RBM5: variants seen among roughly 807,000 people sequenced by gnomAD.
RBM5 encodes the protein RNA-binding protein 5.
Under a neutral mutation model 124.6 loss-of-function variants are expected in RBM5, and 15 were observed. The ratio of observed to expected loss-of-function variants is 0.12; its 90% CI spans 0.08 to 0.19. RBM5 has a LOEUF of 0.19. RBM5 is among the 10% of genes least tolerant of loss of function. The probability of loss-of-function intolerance (pLI) is 1.00; values close to 1 mark genes in which losing one functional copy is unlikely to be tolerated. For synonymous variants in RBM5, 337 were observed against 361.2 expected (o/e 0.93, Z 0.76); for missense variants, 580 against 1,026.5 (o/e 0.57, Z 5.94).
intron 10 of RBM5, 34 bp downstream of exon 10, chr3:50,105,743 G>T: frequency 3.7e-6 from 6 of 1,607,286 alleles, no homozygotes; most frequent in Admixed American, 1.7e-5. Flanking sequence ...CTTTTTAAAA[G>T]AAACAGCTTT....
Position 50,118,391 on chromosome 3 carries a change from G to A in RBM5, c.2383G>A (p.Gly795Ser). Residue 795 changes from glycine (G) to serine (S), a missense_variant, in exon 25 of 25, where the codon GGC (glycine) becomes AGC (serine). By Grantham distance (56) the Gly-to-Ser change is moderately conservative. This residue lies in a region of RBM5 where 234 missense variants were observed against 435.1 expected (regional missense o/e 0.54). Transcript: ENST00000347869. ...GAKGSAYGLS[G>S]ADSYKDAVRK... The stretch of plus-strand genomic sequence containing the variant: ...CAAAGGCAGCGCATATGGTTTGTCG[G>A]GCGCCGATTCCTACAAAGATGCTGT... 1 of 1,614,154 alleles carries A rather than the reference G, an allele frequency of 6.2e-7. No homozygotes were observed. The highest frequency in any genetic ancestry group is 8.5e-7 in the Non-Finnish European group (1 of 1,180,036).
intron 20 of RBM5, 31 bp downstream of exon 20, chr3:50,114,282 C>T: frequency 6.3e-7 from 1 of 1,577,396 alleles, no homozygotes; most frequent in Non-Finnish European, 8.6e-7. Context: ...TTTTAAAGAC[C>T]CTATCTGTGG....
At chr3:50,095,785 A>G (rs1369463593) in intron 4 of RBM5, among the ~76,000 whole-genome samples, 1 of 152,012 alleles carries the variant, frequency 6.6e-6, no homozygotes, top group Non-Finnish European at 1.5e-5. Flanking sequence ...CTCTGTGTGA[A>G]CTAGTCACCT....
At chr3:50,116,078 G>A in intron 22 of RBM5, 98 bp downstream of exon 22, 1 of 1,209,656 alleles carries the variant, frequency 8.3e-7, no homozygotes, top group Non-Finnish European at 1.2e-6. Flanking sequence ...GGCAGGGTAG[G>A]AGGATTTGTC....
chr3:50,115,469 G>C lies in RBM5; in HGVS notation c.1881G>C (p.Glu627Asp), dbSNP rs772995368. ...CTTACAGTGGTGACAGTGACAATGA[G>C]GAGGAGCTGGTGGAGAGACTTGAGA... ...VAAYSGDSDN[E>D]EELVERLESE... The change falls in exon 21 of 25, where the codon GAG becomes GAC. Residue 627 changes from glutamate (E) to aspartate (D), a missense_variant. By Grantham distance (45) the Glu-to-Asp change is conservative (BLOSUM62 2). Coordinates refer to ENST00000347869, the MANE Select transcript of RBM5 (RefSeq NM_005778.4). 6.2e-7 allele frequency: 1 copy of C among 1,614,008 alleles called. No homozygotes were observed. Among genetic ancestry groups the C allele is most frequent in the African/African-American group, 1.3e-5 (1 of 74,924 alleles).
chr3:50,117,776 C>CA lies in RBM5; in HGVS notation c.2322+411dup, dbSNP rs59601460. On this transcript the variant is annotated intron_variant, in intron 24 of 24. Transcript: ENST00000347869. This position sits in a 1 kb window ranked among gnomAD's most constrained non-coding sequence, Gnocchi z 4.2. ...AGCCTGGGCAACAGCGACTCTGTCT[C>CA]AAAAAAAAAAAAAATTTAGTAGGGT... 0.96 allele frequency: 142,902 copies of CA among 148,930 alleles called. 68,547 individuals carry two copies. The highest frequency in any genetic ancestry group is 0.99 in the Middle Eastern group (280 of 284). 9.2% of individuals were successfully genotyped at this position (148,930 alleles called of 1,614,324 possible). A position where few individuals can be genotyped will look rare whatever the true frequency, so the allele number is the denominator to read the frequency against.
At chr3:50,115,155 G>A (rs778561293) in intron 20 of RBM5, 66 of 356,000 alleles carry the variant, frequency 1.9e-4, no homozygotes, top group Non-Finnish European at 3.2e-4. Flanking sequence ...GCAACAGAGC[G>A]AGACTCCTTC....
At chr3:50,097,610 ATAT>A (rs985686297) in intron 4 of RBM5, among the ~76,000 whole-genome samples, 19 of 151,980 alleles carry the variant, frequency 1.3e-4, no homozygotes, top group African/African-American at 4.6e-4. Context: ...TTCATGCCTG[ATAT>A]TATTGATGAA....
At position 50,110,736 on chromosome 3, in the gene RBM5, C is replaced by T. The variant is rs776381930; in HGVS notation, c.1421C>T (p.Pro474Leu). The T allele has an allele frequency of 4.3e-6, 7 of 1,613,398 alleles. No homozygotes were observed. The highest frequency in any genetic ancestry group is 5.9e-6 in the Non-Finnish European group (7 of 1,179,538). The change falls in exon 17 of 25, where the codon CCG becomes CTG. Residue 474 changes from proline to leucine, a missense_variant. Pro to Leu is a moderately conservative substitution (Grantham distance 98). Transcript: ENST00000347869. Reference sequence around the variant, plus strand: ...GAATCTTCAGGATATTACTATGATCCGACAACAGGGCTCTATTATGACCCC... The same window carrying T: ...GAATCTTCAGGATATTACTATGATCTGACAACAGGGCTCTATTATGACCCC... ...YDESSGYYYD[P>L]TTGLYYDPNS...
chr3:50,092,121 C>T lies in RBM5; in HGVS notation c.96C>T (p.Ser32=). 6.2e-7 allele frequency: 1 copy of T among 1,613,984 alleles called. No individual in the cohort carries two copies. Among genetic ancestry groups the T allele is most frequent in the Non-Finnish European group, 8.5e-7 (1 of 1,179,960 alleles). The change falls in exon 3 of 25, where the codon AGC becomes AGT. Residue 32 remains serine, a synonymous_variant. Transcript: ENST00000347869. ...ACCGTGATGAGCGTGAATCCCGAAGCAGGCGGAGGGACTCAGATTACAAAA... is the reference window on the plus strand; with the variant it reads ...ACCGTGATGAGCGTGAATCCCGAAGTAGGCGGAGGGACTCAGATTACAAAA... The part of the protein sequence containing the change: ...RDDRDERESR[S]RRRDSDYKRS...
At chr3:50,109,437 T>C (rs1407023594) in intron 14 of RBM5, among the ~76,000 whole-genome samples, 166 bp from the exon 15 acceptor site, 1 of 152,184 alleles carries the variant, frequency 6.6e-6, no homozygotes, top group African/African-American at 2.4e-5. Context: ...AGTAGAATTA[T>C]AAGAAAATGA....
In RBM5 at chr3:50,117,334, C is replaced by G. The variant is rs1006806620; in HGVS notation, c.2277C>G (p.Gly759=). Reference sequence around the variant, plus strand: ...TGCAGGCCATGGGCTGGCGGGAAGGCTCTGGCTTGGGACGAAAGTGTCAAG... The same window carrying G: ...TGCAGGCCATGGGCTGGCGGGAAGGGTCTGGCTTGGGACGAAAGTGTCAAG... ...KMLQAMGWRE[G]SGLGRKCQGI... is the part of the protein sequence containing the mutation. Residue 759 remains glycine (G), a synonymous_variant, in exon 24 of 25, where the codon GGC becomes GGG. Coordinates refer to ENST00000347869, the MANE Select transcript of RBM5 (RefSeq NM_005778.4). The surrounding 1 kb of genome is among the most constrained non-coding windows in gnomAD (Gnocchi z 4.2). 6.8e-6 allele frequency: 11 copies of G among 1,614,094 alleles called. No individual in the cohort carries two copies. In the Admixed American group the frequency reaches 1.5e-4, roughly 22 times the overall value.
intron 4 of RBM5, among the ~76,000 whole-genome samples, chr3:50,098,890 G>A (rs1389239199): frequency 6.6e-6 from 1 of 152,140 alleles, no homozygotes; most frequent in Non-Finnish European, 1.5e-5. Context: ...GCAGAACAAA[G>A]GACAGGGAGA....
Position 50,114,197 on chromosome 3 carries a change from G to A in RBM5, c.1785G>A (p.Arg595=), listed in dbSNP as rs560682902. The change falls in exon 20 of 25, where the codon AGG becomes AGA. Residue 595 remains arginine, a synonymous_variant. Transcript: ENST00000347869. ...TTTCCCAGGGAGCCTTAGCTGAAAGGCAGCAGCTCATCCCAGAATTGGTGC... is the reference window on the plus strand; with the variant it reads ...TTTCCCAGGGAGCCTTAGCTGAAAGACAGCAGCTCATCCCAGAATTGGTGC... ...LFEKKGALAE[R]QQLIPELVRN... is the part of the protein sequence containing the mutation. 6.2e-7 allele frequency: 1 copy of A among 1,613,444 alleles called. No homozygotes were observed. Among genetic ancestry groups the A allele is most frequent in the Non-Finnish European group, 8.5e-7 (1 of 1,179,864 alleles).
At chr3:50,096,635 G>A (rs887675183) in intron 4 of RBM5, among the ~76,000 whole-genome samples, 1 of 151,590 alleles carries the variant, frequency 6.6e-6, no homozygotes. Flanking sequence ...TGTCGCATAG[G>A]CTGGAGTGCA....
intron 18 of RBM5, 78 bp downstream of exon 18, chr3:50,113,622 G>A: frequency 3.5e-6 from 5 of 1,414,786 alleles, no homozygotes; most frequent in Non-Finnish European, 4.7e-6. Flanking sequence ...ATTTATGTCA[G>A]TATTATTTGG....
rs1431764342 is a variant in RBM5 at position 50,108,157 on chromosome 3, T to C, written c.1119+10T>C. 4 of 1,607,186 alleles carry C rather than the reference T, an allele frequency of 2.5e-6. No homozygotes were observed. The African/African-American group carries it at 5.4e-5, about 22-fold the overall frequency. On this transcript the variant is annotated intron_variant, in intron 13 of 24. Transcript: ENST00000347869. ...TGCCCAATATGCTCAGGTAGGTAGA[T>C]TTTAGCAGCATCCACCTTATAGTCT...
At chr3:50,102,583 A>G (rs927727887) in intron 6 of RBM5, 1 of 153,156 alleles carries the variant, frequency 6.5e-6, no homozygotes, top group South Asian at 2.0e-4. Flanking sequence ...TTTCCCCCCA[A>G]AGGACTCATC....
chr3:50,100,877 C>T lies in RBM5; in HGVS notation c.483+272C>T, dbSNP rs2090924357. 1 of 345,556 alleles carries T rather than the reference C, an allele frequency of 2.9e-6. No homozygotes were observed. The highest frequency in any genetic ancestry group is 2.1e-5 in the African/African-American group (1 of 47,826). The allele number at this position is 345,556 out of a possible 1,614,324, so 21.4% of individuals were successfully genotyped here. A position where few individuals can be genotyped will look rare whatever the true frequency, so the allele number is the denominator to read the frequency against. On this transcript the variant is annotated intron_variant, in intron 6 of 24. Coordinates refer to ENST00000347869, the MANE Select transcript of RBM5 (RefSeq NM_005778.4). This position sits in a 1 kb window ranked among gnomAD's most constrained non-coding sequence, Gnocchi z 5.1. ...TAATCACTAAAACATCTTAATGTTT[C>T]CCTTTTTTCTAGTTTGTTATATTCC... is the stretch of plus-strand genomic sequence containing the variant.
Sources: allele counts gnomAD v4.1 joint callset (sites outside exome capture counted in the v4.1 genomes callset), GRCh38; gene constraint gnomAD v4.1.1; regional missense constraint gnomAD v4.1.1; non-coding constraint Gnocchi (gnomAD v3.1); transcripts MANE v1.5; gene names NCBI Gene and HGNC (gene_info 2026-07-23, HGNC 2026-07-21).